Variants in EFNA5 observed in about 807,000 individuals in gnomAD.
EFNA5 encodes ephrin A5, also known as ephrin-A5.
A neutral mutation model predicts 22.9 loss-of-function variants in EFNA5; 5 were observed. The ratio of observed to expected loss-of-function variants is 0.22; its 90% CI spans 0.11 to 0.46. The LOEUF (loss-of-function observed/expected upper bound fraction) is 0.46, where lower values mean the gene tolerates loss of function less well. Ranked by LOEUF, EFNA5 falls within the 20% of genes least tolerant of loss-of-function variation. The pLI, the probability that EFNA5 is intolerant of heterozygous loss-of-function variation, is 0.99. For synonymous variants in EFNA5, 113 were observed against 112.2 expected (o/e 1.01, Z -0.04); for missense variants, 237 against 293.3 (o/e 0.81, Z 1.40).
At chr5:107,422,459 T>A (rs1057372062) in intron 2 of EFNA5, among the ~76,000 whole-genome samples, 5 of 152,224 alleles carry the variant, frequency 3.3e-5, no homozygotes, top group South Asian at 2.1e-4. Context: ...TATTTTTATA[T>A]AGAGAGGTCA....
intron 1 of EFNA5, among the ~76,000 whole-genome samples, chr5:107,501,112 G>A (rs2112425396): frequency 6.6e-6 from 1 of 152,258 alleles, no homozygotes; most frequent in East Asian, 1.9e-4. Context: ...CTAATATGAG[G>A]ACAACTTCTA....
chr5:107,572,143 T>C (rs1175909983), intron 1 of EFNA5, among the ~76,000 whole-genome samples: 1 of 151,968 alleles, frequency 6.6e-6, no homozygotes, highest in Non-Finnish European at 1.5e-5. Context: ...ACGTGCGTGA[T>C]GTGAGTTACT....
At chr5:107,495,919 C>T (rs1002883122) in intron 1 of EFNA5, among the ~76,000 whole-genome samples, 2 of 152,074 alleles carry the variant, frequency 1.3e-5, no homozygotes, top group Non-Finnish European at 2.9e-5. Context: ...AGGAGGCAAG[C>T]TTTAGCCACC....
intron 1 of EFNA5, among the ~76,000 whole-genome samples, chr5:107,652,069 A>G (rs1750746554): frequency 6.6e-6 from 1 of 152,160 alleles, no homozygotes; most frequent in South Asian, 2.1e-4. Flanking sequence ...CTGTGAACCT[A>G]AAGCTGCTCT....
At chr5:107,513,014 T>C (rs906371696) in intron 1 of EFNA5, among the ~76,000 whole-genome samples, 1 of 152,164 alleles carries the variant, frequency 6.6e-6, no homozygotes, top group African/African-American at 2.4e-5. Flanking sequence ...CCCTTCCTGA[T>C]GGGTACTTAC....
At chr5:107,592,724 G>C (rs532859275) in intron 1 of EFNA5, among the ~76,000 whole-genome samples, 1 of 152,128 alleles carries the variant, frequency 6.6e-6, no homozygotes, top group Non-Finnish European at 1.5e-5. Context: ...CAATGTGAGC[G>C]AATCGGCATC....
intron 2 of EFNA5, among the ~76,000 whole-genome samples, chr5:107,406,273 C>T (rs951925915): frequency 6.6e-6 from 1 of 151,354 alleles, no homozygotes; most frequent in African/African-American, 2.4e-5. Flanking sequence ...TTTGCCATTA[C>T]TTTTAAATGG....
chr5:107,641,357 CAA>C (rs33968147), intron 1 of EFNA5, among the ~76,000 whole-genome samples: 51,160 of 146,830 alleles, frequency 0.35, 8,901 homozygotes, highest in South Asian at 0.51. Flanking sequence ...GACTCTGTCT[CAA>C]AAAAAAAAAA....
chr5:107,457,398 C>T (rs1452029444), intron 1 of EFNA5, among the ~76,000 whole-genome samples: 1 of 152,048 alleles, frequency 6.6e-6, no homozygotes, highest in African/African-American at 2.4e-5. Flanking sequence ...GCTTAAGTCC[C>T]TGATATAAAA....
intron 1 of EFNA5, among the ~76,000 whole-genome samples, chr5:107,572,883 C>G (rs1304611662): frequency 6.6e-6 from 1 of 152,088 alleles, no homozygotes; most frequent in Non-Finnish European, 1.5e-5. Flanking sequence ...ATGATGATTC[C>G]CTTCAGAATT....
intron 1 of EFNA5, among the ~76,000 whole-genome samples, chr5:107,504,265 A>C (rs760297517): frequency 2.0e-5 from 3 of 152,198 alleles, no homozygotes; most frequent in Non-Finnish European, 2.9e-5. Flanking sequence ...GGGCTAAAAT[A>C]TCTTTTAACA....
At chr5:107,528,910 C>G (rs139285761) in intron 1 of EFNA5, among the ~76,000 whole-genome samples, 2 of 151,930 alleles carry the variant, frequency 1.3e-5, no homozygotes, top group Admixed American at 6.6e-5. Context: ...GTATAGAATA[C>G]GACTGAATAA....
At chr5:107,592,109 A>G (rs1252272615) in intron 1 of EFNA5, among the ~76,000 whole-genome samples, 1 of 125,550 alleles carries the variant, frequency 8.0e-6, no homozygotes, top group East Asian at 2.1e-4. Context: ...TATATTTTAT[A>G]TATATTATAT....
chr5:107,381,537 A>G (rs1448401382), intron 4 of EFNA5, among the ~76,000 whole-genome samples, 161 bp from the exon 5 acceptor site: 1 of 152,214 alleles, frequency 6.6e-6, no homozygotes, highest in Non-Finnish European at 1.5e-5. Flanking sequence ...CATTATTTAC[A>G]GCAAACAAAG....
chr5:107,399,284 C>G (rs1748015987), intron 2 of EFNA5, among the ~76,000 whole-genome samples: 1 of 138,398 alleles, frequency 7.2e-6, no homozygotes, highest in African/African-American at 2.8e-5. Flanking sequence ...AAAACCCCAT[C>G]TCTACTAAAG....
In EFNA5 at chr5:107,545,657, G is replaced by A. The variant is rs187366249; in HGVS notation, c.126-118148C>T. On this transcript the variant is annotated intron_variant, in intron 1 of 4. Transcript: ENST00000333274. ...ATGGGAAAGCCACTTGGAGCTCCTC[G>A]GCAACTTGTGTTTAGCTCTTCAATC... Among the ~76,000 whole-genome samples the A allele has an allele frequency of 3.7e-4, 57 of 152,194 alleles. No individual in the cohort carries two copies. The East Asian group carries it at 6.4e-3, about 17-fold the overall frequency.
chr5:107,532,866 T>C (rs1234000686), intron 1 of EFNA5, among the ~76,000 whole-genome samples: 1 of 152,196 alleles, frequency 6.6e-6, no homozygotes, highest in Non-Finnish European at 1.5e-5. Context: ...AGACACAAGA[T>C]TACCTAAGGT....
intron 1 of EFNA5, among the ~76,000 whole-genome samples, chr5:107,600,415 A>G (rs745552340): frequency 6.6e-6 from 1 of 152,128 alleles, no homozygotes; most frequent in Non-Finnish European, 1.5e-5. Flanking sequence ...AACGATTACA[A>G]CCTAATATAC....
At chr5:107,397,399 A>C (rs548660714) in intron 2 of EFNA5, among the ~76,000 whole-genome samples, 1 of 152,176 alleles carries the variant, frequency 6.6e-6, no homozygotes, top group East Asian at 1.9e-4. Context: ...AAATACAAAA[A>C]TTGGTGGGGC....
Sources: allele counts gnomAD v4.1 joint callset (sites outside exome capture counted in the v4.1 genomes callset), GRCh38; gene constraint gnomAD v4.1.1; transcripts MANE v1.5; gene names NCBI Gene and HGNC (gene_info 2026-07-23, HGNC 2026-07-21).